The following EPHA6 variants were observed in gnomAD, a reference collection of about 807,000 sequenced individuals.
EPHA6 encodes the protein ephrin type-A receptor 6.
EPHA6 carries 50 observed loss-of-function variants against 112.0 expected under a neutral mutation model. The ratio of observed to expected loss-of-function variants is 0.45; its 90% confidence interval spans 0.36 to 0.56. The LOEUF is 0.56. EPHA6 is among the 20% of genes least tolerant of loss of function. The pLI, the probability that EPHA6 is intolerant of heterozygous loss-of-function variation, is 0.00. For missense variants in EPHA6, 1,280 were observed against 1,417.4 expected (o/e 0.90, Z 1.56); for synonymous variants, 529 against 490.7 (o/e 1.08, Z -1.03).
chr3:97,639,359 C>T (rs548115647), intron 14 of EPHA6, among the ~76,000 whole-genome samples: 1 of 151,828 alleles, frequency 6.6e-6, no homozygotes. Context: ...CCTTTATTTT[C>T]TTTTATCTTT....
At chr3:97,203,838 T>C (rs9829488) in intron 3 of EPHA6, among the ~76,000 whole-genome samples, 32,602 of 152,010 alleles carry the variant, frequency 0.21, 3,721 homozygotes, top group Non-Finnish European at 0.25. Context: ...CATTACCCCA[T>C]TAGTCTTTTG....
chr3:97,489,346 T>C (rs970428981), intron 10 of EPHA6, among the ~76,000 whole-genome samples: 1 of 152,246 alleles, frequency 6.6e-6, no homozygotes, highest in African/African-American at 2.4e-5. Flanking sequence ...TTTTTGTTAC[T>C]ACATTGAGTT....
intron 5 of EPHA6, among the ~76,000 whole-genome samples, chr3:97,402,182 T>C (rs968322179): frequency 3.9e-5 from 6 of 152,056 alleles, no homozygotes; most frequent in Non-Finnish European, 8.8e-5. Flanking sequence ...TGGTCTACAA[T>C]GCTATTTAAA....
chr3:97,548,463 T>A (rs2092987677), intron 11 of EPHA6, among the ~76,000 whole-genome samples: 1 of 152,172 alleles, frequency 6.6e-6, no homozygotes, highest in Non-Finnish European at 1.5e-5. Context: ...TTTGCAAATA[T>A]CCTATTTCTT....
At chr3:96,857,759 A>G (rs2107408710) in intron 1 of EPHA6, among the ~76,000 whole-genome samples, 1 of 151,744 alleles carries the variant, frequency 6.6e-6, no homozygotes, top group South Asian at 2.1e-4. Flanking sequence ...ATTTAGCTAT[A>G]CAGAAGACAA....
chr3:97,203,872 T>C (rs1346313192), intron 3 of EPHA6, among the ~76,000 whole-genome samples: 1 of 152,150 alleles, frequency 6.6e-6, no homozygotes, highest in Non-Finnish European at 1.5e-5. Context: ...ATGGCTGATA[T>C]ACCTAATGCT....
At position 97,749,166 on chromosome 3, in the gene EPHA6, A is replaced by G. The variant is rs1433147467; in HGVS notation, c.*465A>G. ...TTTTTAGATAATTATATTCAGCTCT[A>G]TTGGTTGTATTATTACTTTATTTTT... On this transcript the variant is annotated 3_prime_UTR_variant, in exon 18 of 18. Coordinates refer to ENST00000389672, the MANE Select transcript of EPHA6 (RefSeq NM_001080448.3). The G allele has an allele frequency of 1.3e-5, 3 of 228,980 alleles. No homozygotes were observed. The allele number at this position is 228,980 out of a possible 1,614,324, so 14.2% of individuals were successfully genotyped here. A position where few individuals can be genotyped will look rare whatever the true frequency, so the allele number is the denominator to read the frequency against.
At chr3:97,251,211 G>A (rs1011986581) in intron 5 of EPHA6, among the ~76,000 whole-genome samples, 1 of 151,804 alleles carries the variant, frequency 6.6e-6, no homozygotes, top group African/African-American at 2.4e-5. Context: ...ATATCCATAA[G>A]GATTAAAATA....
At chr3:96,909,695 A>G (rs1242644372) in intron 2 of EPHA6, among the ~76,000 whole-genome samples, 3 of 151,968 alleles carry the variant, frequency 2.0e-5, no homozygotes, top group Non-Finnish European at 4.4e-5. Context: ...AGGAACCCTT[A>G]TAGTGCCTTA....
At chr3:97,713,213 A>T (rs1225248086) in intron 14 of EPHA6, among the ~76,000 whole-genome samples, 4 of 152,148 alleles carry the variant, frequency 2.6e-5, no homozygotes, top group African/African-American at 9.7e-5. Flanking sequence ...CTGTCTAAAG[A>T]CATTTAGTTT....
At chr3:96,974,706 A>G (rs1351681641) in intron 2 of EPHA6, among the ~76,000 whole-genome samples, 2 of 151,774 alleles carry the variant, frequency 1.3e-5, no homozygotes, top group African/African-American at 2.4e-5. Context: ...TTTTTTTTGG[A>G]TCAAGGAATG....
chr3:97,716,684 A>G (rs1007927152), intron 14 of EPHA6, among the ~76,000 whole-genome samples: 1 of 151,854 alleles, frequency 6.6e-6, no homozygotes, highest in Non-Finnish European at 1.5e-5. Context: ...TTTCTGCCTC[A>G]TCTTGCAATT....
chr3:97,512,270 A>T (rs1376964594), intron 10 of EPHA6, among the ~76,000 whole-genome samples: 1 of 152,128 alleles, frequency 6.6e-6, no homozygotes, highest in Admixed American at 6.5e-5. Context: ...ATTAGTAATT[A>T]TCTATGAGTA....
intron 5 of EPHA6, among the ~76,000 whole-genome samples, chr3:97,352,766 G>A (rs546187212): frequency 2.4e-4 from 36 of 152,226 alleles, no homozygotes; most frequent in African/African-American, 6.7e-4. Context: ...GTTGGGCTAG[G>A]AGCCAGTGGA....
intron 3 of EPHA6, among the ~76,000 whole-genome samples, chr3:97,011,455 A>G (rs944608252): frequency 4.6e-5 from 7 of 152,316 alleles, no homozygotes; most frequent in East Asian, 3.9e-4. Context: ...GTAGTTACAT[A>G]TATGTGTATC....
intron 14 of EPHA6, among the ~76,000 whole-genome samples, chr3:97,716,284 ATGGG>A (rs2034218175): frequency 1.4e-5 from 2 of 147,894 alleles, no homozygotes; most frequent in African/African-American, 5.4e-5. Flanking sequence ...AAAAGAAAAG[ATGGG>A]CCGGGCGCGG....
chr3:96,849,224 A>T lies in EPHA6; in HGVS notation c.386-17601A>T, dbSNP rs973787078. Among the ~76,000 whole-genome samples, 8 of 152,280 alleles carry T rather than the reference A, an allele frequency of 5.3e-5. No individual in the cohort carries two copies. The South Asian group carries it at 6.2e-4, about 12-fold the overall frequency. ...TTAGGTCTTAAATATTATAAAACTC[A>T]AAGGTAATAGCATAAAAAGTGCCAG... On this transcript the variant is annotated intron_variant, in intron 1 of 17. Transcript: ENST00000389672.
chr3:97,608,410 T>A (rs2107448343), intron 12 of EPHA6, among the ~76,000 whole-genome samples: 2 of 151,472 alleles, frequency 1.3e-5, no homozygotes, highest in Admixed American at 1.3e-4. Flanking sequence ...AACTTGTTTT[T>A]ATGAAGCACC....
intron 3 of EPHA6, among the ~76,000 whole-genome samples, chr3:97,191,528 G>T (rs2077305669): frequency 6.6e-6 from 1 of 151,764 alleles, no homozygotes; most frequent in Non-Finnish European, 1.5e-5. Flanking sequence ...TGAGTTCAAT[G>T]GTCTTAATTT....
Sources: gnomAD v4.1 joint callset for allele counts (sites outside exome capture counted in the v4.1 genomes callset) on GRCh38, gnomAD v4.1.1 for gene constraint, MANE v1.5 for transcripts, NCBI Gene and HGNC (gene_info 2026-07-23, HGNC 2026-07-21) for gene names.